GAS2: variants seen among roughly 807,000 people sequenced by gnomAD.
The protein encoded by GAS2 is growth arrest-specific protein 2.
Under a neutral mutation model 37.5 loss-of-function variants are expected in GAS2, and 20 were observed. The observed-to-expected ratio is 0.53, with a 90% CI of 0.37 to 0.77. GAS2 has a LOEUF of 0.77. Among genes scored for constraint, GAS2 ranks in the 30% least tolerant of loss-of-function variants. The pLI is 0.00. For missense variants in GAS2, 336 were observed against 373.4 expected, an observed-to-expected ratio of 0.90 and a Z score of 0.82; for synonymous variants, 144 against 132.2, an observed-to-expected ratio of 1.09 and a Z score of -0.61.
Position 22,731,149 on chromosome 11 carries a change from A to G in GAS2, c.409+4716A>G, listed in dbSNP as rs1020465137. ...TATTATTTGTAATTTGCATTGGCCT[A>G]TCAATTTAGAAATTGTCAAGTTAAC... is the stretch of plus-strand genomic sequence containing the variant. On this transcript the variant is annotated intron_variant, in intron 4 of 7. Transcript: ENST00000454584. Among the ~76,000 whole-genome samples, 3 of 151,970 alleles carry G rather than the reference A, an allele frequency of 2.0e-5. No homozygotes were observed. In the South Asian group the frequency reaches 6.2e-4, roughly 31 times the overall value.
At chr11:22,802,552 C>A (rs1321300779) in intron 7 of GAS2, among the ~76,000 whole-genome samples, 1 of 151,252 alleles carries the variant, frequency 6.6e-6, no homozygotes, top group South Asian at 2.1e-4. Context: ...AGTAATGGAT[C>A]GCCTTGACTT....
At chr11:22,639,133 G>T (rs185041231) in intron 1 of GAS2, among the ~76,000 whole-genome samples, 1 of 152,020 alleles carries the variant, frequency 6.6e-6, no homozygotes. Context: ...TGGAAAAAAG[G>T]GTTCCATATT....
intron 7 of GAS2, among the ~76,000 whole-genome samples, chr11:22,783,849 G>A (rs370893236): frequency 1.3e-4 from 20 of 152,126 alleles, no homozygotes; most frequent in Admixed American, 2.0e-4. Flanking sequence ...GTCCAGTTTC[G>A]TTCTTCTGTG....
intron 7 of GAS2, among the ~76,000 whole-genome samples, chr11:22,784,652 A>C (rs773363800): frequency 7.2e-5 from 11 of 152,138 alleles, no homozygotes; most frequent in South Asian, 2.1e-4. Flanking sequence ...TTACCATCCT[A>C]TGCACATTTA....
At chr11:22,782,819 T>C (rs1467523343) in intron 7 of GAS2, among the ~76,000 whole-genome samples, 1 of 150,358 alleles carries the variant, frequency 6.7e-6, no homozygotes, top group African/African-American at 2.5e-5. Flanking sequence ...GGTATATATG[T>C]ACCATATTTT....
chr11:22,726,335 C>T lies in GAS2; in HGVS notation c.311C>T (p.Ser104Leu), dbSNP rs769844769. The change falls in exon 4 of 8, where the codon TCG becomes TTG. Residue 104 changes from serine to leucine, a missense_variant. Physicochemically the swap from Ser to Leu is moderately radical, Grantham distance 145. Transcript: ENST00000454584. ...KKIPCKTSAP[S>L]GSFFARDNTA... is the part of the protein sequence containing the mutation. ...ATCCCATGCAAAACCAGTGCACCCT[C>T]GGGCTCCTTTTTTGCCAGAGACAAT... The T allele has an allele frequency of 3.2e-5, 52 of 1,612,424 alleles. No individual in the cohort carries two copies. The highest frequency in any genetic ancestry group is 4.0e-5 in the Non-Finnish European group (47 of 1,179,270).
At chr11:22,782,339 TTAAAA>T (rs1855591711) in intron 7 of GAS2, among the ~76,000 whole-genome samples, 1 of 152,192 alleles carries the variant, frequency 6.6e-6, no homozygotes, top group South Asian at 2.1e-4. Flanking sequence ...AACCAGAAGT[TTAAAA>T]GAAAAATAAA....
At chr11:22,800,886 G>A (rs1200327589) in intron 7 of GAS2, among the ~76,000 whole-genome samples, 1 of 151,984 alleles carries the variant, frequency 6.6e-6, no homozygotes, top group Non-Finnish European at 1.5e-5. Context: ...TGTTGTTTAT[G>A]TAATATAGCT....
At chr11:22,720,846 A>G (rs1590706684) in intron 3 of GAS2, among the ~76,000 whole-genome samples, 2 of 152,082 alleles carry the variant, frequency 1.3e-5, no homozygotes, top group African/African-American at 4.8e-5. Context: ...CAAGGGAACT[A>G]AAGATACCAT....
intron 5 of GAS2, among the ~76,000 whole-genome samples, chr11:22,742,367 T>C (rs1018310784): frequency 3.9e-5 from 6 of 152,008 alleles, no homozygotes; most frequent in African/African-American, 1.4e-4. Context: ...TGTGGAGTGG[T>C]ATAGAGTTCA....
At chr11:22,685,370 C>G (rs1235639127) in intron 2 of GAS2, among the ~76,000 whole-genome samples, 2 of 152,136 alleles carry the variant, frequency 1.3e-5, no homozygotes, top group Non-Finnish European at 2.9e-5. Context: ...AGTTTTCATT[C>G]CCCTTGATTA....
At chr11:22,628,718 T>C (rs929997907) in intron 1 of GAS2, among the ~76,000 whole-genome samples, 1 of 152,164 alleles carries the variant, frequency 6.6e-6, no homozygotes, top group Non-Finnish European at 1.5e-5. Flanking sequence ...CCTGAGATTT[T>C]AGTTCACCCT....
intron 3 of GAS2, among the ~76,000 whole-genome samples, chr11:22,713,667 A>T: frequency 6.6e-6 from 1 of 152,200 alleles, no homozygotes; most frequent in Non-Finnish European, 1.5e-5. Context: ...ATTTCTCAGC[A>T]GAAACCCTGT....
At chr11:22,749,542 C>T (rs1224186350) in intron 6 of GAS2, among the ~76,000 whole-genome samples, 1 of 152,096 alleles carries the variant, frequency 6.6e-6, no homozygotes, top group African/African-American at 2.4e-5. Context: ...ACATGAAAGT[C>T]TCTTTGTCAC....
At chr11:22,789,297 T>C (rs1300114636) in intron 7 of GAS2, among the ~76,000 whole-genome samples, 1 of 100,742 alleles carries the variant, frequency 9.9e-6, no homozygotes. Context: ...TATATATATA[T>C]ATATATACAC....
rs529175844 is a variant in GAS2 at position 22,762,289 on chromosome 11, G to A, written c.723+6336G>A. Among the ~76,000 whole-genome samples, 12 of 152,144 alleles carry A rather than the reference G, an allele frequency of 7.9e-5. No individual in the cohort carries two copies. The South Asian group carries it at 2.5e-3, about 32-fold the overall frequency. On this transcript the variant is annotated intron_variant, in intron 7 of 7. Transcript: ENST00000454584. ...AGAAAAGACAGCTACAATTTAATAA[G>A]GATCGTTTGTTCCAGGCATTTTACC...
intron 7 of GAS2, among the ~76,000 whole-genome samples, chr11:22,803,344 GTTTA>G (rs1564895998): frequency 6.6e-6 from 1 of 152,074 alleles, no homozygotes; most frequent in African/African-American, 2.4e-5. Flanking sequence ...TAAATTTAAT[GTTTA>G]TTTAAGATTT....
At chr11:22,759,181 G>A (rs1437747070) in intron 7 of GAS2, among the ~76,000 whole-genome samples, 3 of 152,106 alleles carry the variant, frequency 2.0e-5, no homozygotes, top group African/African-American at 7.2e-5. Context: ...AATTTCAAAG[G>A]AAGACCGGGA....
chr11:22,764,982 G>A (rs974410537), intron 7 of GAS2, among the ~76,000 whole-genome samples: 2 of 152,120 alleles, frequency 1.3e-5, no homozygotes, highest in African/African-American at 4.8e-5. Context: ...CCATTATGCT[G>A]TATCTAGAAT....
Sources: allele counts gnomAD v4.1 joint callset (sites outside exome capture counted in the v4.1 genomes callset), GRCh38; gene constraint gnomAD v4.1.1; transcripts MANE v1.5; gene names NCBI Gene and HGNC (gene_info 2026-07-23, HGNC 2026-07-21).